ICE1: variants seen among roughly 807,000 people sequenced by gnomAD.
The protein encoded by ICE1 is interactor of little elongation complex ELL subunit 1.
Under a neutral mutation model 192.7 loss-of-function variants are expected in ICE1, and 64 were observed. The ratio of observed to expected loss-of-function variants is 0.33; its 90% CI spans 0.27 to 0.41. The LOEUF (loss-of-function observed/expected upper bound fraction) is 0.41, where lower values mean the gene tolerates loss of function less well. ICE1 is among the 10% of genes least tolerant of loss of function. The probability of loss-of-function intolerance (pLI) is 1.00; values close to 1 mark genes in which losing one functional copy is unlikely to be tolerated. For synonymous variants in ICE1, 1,010 were observed against 984.5 expected, an observed-to-expected ratio of 1.03 and a Z score of -0.49; for missense variants, 2,708 against 2,696.0, an observed-to-expected ratio of 1.00 and a Z score of -0.10.
intron 16 of ICE1, among the ~76,000 whole-genome samples, chr5:5,474,402 C>T (rs1367714881): frequency 6.6e-6 from 1 of 151,962 alleles, no homozygotes; most frequent in Non-Finnish European, 1.5e-5. Context: ...CGGAACAGTG[C>T]CCACACAAGG....
chr5:5,426,966 T>C (rs1440356041), intron 1 of ICE1, among the ~76,000 whole-genome samples: 1 of 152,216 alleles, frequency 6.6e-6, no homozygotes, highest in Non-Finnish European at 1.5e-5. Flanking sequence ...TTTCCAATGG[T>C]AGGCAACCAT....
Position 5,461,682 on chromosome 5 carries a change from T to G in ICE1, c.2348T>G (p.Leu783Trp). 6.2e-7 allele frequency: 1 copy of G among 1,613,924 alleles called. No homozygotes were observed. Among genetic ancestry groups the G allele is most frequent in the Non-Finnish European group, 8.5e-7 (1 of 1,179,872 alleles). ...GSQAALIKSG[L>W]GFVKSTSWHH... ...CAGGCTGCCTTGATCAAGAGTGGTTTGGGTTTTGTTAAAAGTACTTCATGG... is the reference window on the plus strand; with the variant it reads ...CAGGCTGCCTTGATCAAGAGTGGTTGGGGTTTTGTTAAAAGTACTTCATGG... The change falls in exon 13 of 19, where the codon TTG becomes TGG. Residue 783 changes from leucine to tryptophan, a missense_variant. This residue lies in a region of ICE1 where 2,366 missense variants were observed against 2,276.6 expected (regional missense o/e 1.04). Coordinates refer to ENST00000296564, the MANE Select transcript of ICE1 (RefSeq NM_015325.3).
Position 5,460,967 on chromosome 5 carries a change from G to T in ICE1, c.1633G>T (p.Glu545Ter). The part of the protein sequence containing the change: ...LGKRPLNELM[E>*]SEGKTVLSKM... ...CAAAAGGCCATTAAATGAACTCATGGAATCTGAAGGAAAAACCGTATTGTC... is the reference window on the plus strand; with the variant it reads ...CAAAAGGCCATTAAATGAACTCATGTAATCTGAAGGAAAAACCGTATTGTC... Residue 545 changes from glutamate (E) to a stop codon, truncating the protein, a stop_gained, in exon 13 of 19, where the codon GAA (glutamate) becomes TAA (stop). Transcript: ENST00000296564. LOFTEE classifies it high-confidence loss of function. The T allele has an allele frequency of 6.2e-7, 1 of 1,614,022 alleles. No individual in the cohort carries two copies. The highest frequency in any genetic ancestry group is 8.5e-7 in the Non-Finnish European group (1 of 1,179,894).
At chr5:5,433,343 A>G (rs968865616) in intron 1 of ICE1, among the ~76,000 whole-genome samples, 46 of 152,232 alleles carry the variant, frequency 3.0e-4, no homozygotes, top group South Asian at 1.2e-3. Context: ...TGCTTGTTTT[A>G]GTTCCATTCC....
intron 17 of ICE1, 61 bp downstream of exon 17, chr5:5,476,140 G>GA: frequency 4.4e-6 from 4 of 900,928 alleles, no homozygotes; most frequent in South Asian, 3.5e-5. Context: ...GGAAGGCTGG[G>GA]GGGTTAACTG....
chr5:5,437,010 G>A (rs576005587), intron 2 of ICE1, 70 bp from the exon 3 acceptor site: 387 of 1,017,558 alleles, frequency 3.8e-4, no homozygotes, highest in Non-Finnish European at 5.6e-4. Context: ...TGCATGGATT[G>A]AAACATAATT....
chr5:5,437,178 G>A, intron 3 of ICE1, 64 bp downstream of exon 3: 1 of 1,292,894 alleles, frequency 7.7e-7, no homozygotes, highest in Non-Finnish European at 1.1e-6. Flanking sequence ...TCCTGAAAGA[G>A]ATGTGAGAAT....
intron 10 of ICE1, among the ~76,000 whole-genome samples, chr5:5,450,900 A>G (rs551956161): frequency 6.6e-6 from 1 of 152,322 alleles, no homozygotes; most frequent in African/African-American, 2.4e-5. Flanking sequence ...AGACTTCACA[A>G]TGTTTTTTAG....
intron 1 of ICE1, among the ~76,000 whole-genome samples, chr5:5,427,798 A>T (rs565763262): frequency 6.6e-6 from 1 of 152,220 alleles, no homozygotes. Flanking sequence ...TCAGAATACA[A>T]TGATGAACAG....
chr5:5,477,508 C>G (rs1402182949), intron 17 of ICE1, among the ~76,000 whole-genome samples: 2 of 152,162 alleles, frequency 1.3e-5, no homozygotes, highest in Non-Finnish European at 2.9e-5. Context: ...AGCCTACAAA[C>G]CAAAAAAGCC....
intron 15 of ICE1, among the ~76,000 whole-genome samples, chr5:5,471,650 CTAAAT>C (rs1022229916): frequency 7.2e-5 from 11 of 151,970 alleles, no homozygotes; most frequent in Non-Finnish European, 1.3e-4. Flanking sequence ...CAATACATTA[CTAAAT>C]TAAAGAAGAA....
chr5:5,446,445 A>G (rs570108291), intron 7 of ICE1, among the ~76,000 whole-genome samples: 1 of 150,386 alleles, frequency 6.6e-6, no homozygotes, highest in South Asian at 2.1e-4. Flanking sequence ...GTGCACCACG[A>G]CACCCGACTA....
chr5:5,466,461 T>G lies in ICE1; in HGVS notation c.6020T>G (p.Leu2007Trp). 1 of 1,612,854 alleles carries G rather than the reference T, an allele frequency of 6.2e-7. No individual in the cohort carries two copies. Residue 2007 changes from leucine (L) to tryptophan (W), a missense_variant, in exon 14 of 19, where the codon TTG (leucine) becomes TGG (tryptophan). Physicochemically the swap from Leu to Trp is moderately conservative, Grantham distance 61 (BLOSUM62 -2). Transcript: ENST00000296564. Reference protein sequence around the residue: ...YVGICRQLGDLERARLFCYSL... With the variant: ...YVGICRQLGDWERARLFCYSL... The stretch of plus-strand genomic sequence containing the variant: ...GGTATTTGTCGGCAACTCGGAGACT[T>G]GGAAAGAGCTCGTTTGTTTTGCTAC...
intron 17 of ICE1, 24 bp from the exon 18 acceptor site, chr5:5,486,697 T>G: frequency 1.4e-6 from 2 of 1,477,008 alleles, no homozygotes; most frequent in Non-Finnish European, 1.9e-6. Flanking sequence ...CTGGACTGTT[T>G]ACATTTTGGT....
rs752446166 is a variant in ICE1, at chr5:5,447,735, A to G, written c.522A>G (p.Glu174=). Residue 174 remains glutamate, a synonymous_variant, in exon 9 of 19, where the codon GAA becomes GAG. Coordinates refer to ENST00000296564, the MANE Select transcript of ICE1 (RefSeq NM_015325.3). ...EFKKTQERLD[E]FSKQKNEKEL... ...TGTTTTCACAGGAAAGGCTTGACGA[A>G]TTTTCTAAACAGAAAAATGAAAAGG... is the stretch of plus-strand genomic sequence containing the variant. 1.3e-6 allele frequency: 2 copies of G among 1,584,146 alleles called. No individual in the cohort carries two copies. The highest frequency in any genetic ancestry group is 1.7e-6 in the Non-Finnish European group (2 of 1,163,080).
At chr5:5,452,184 T>C (rs1159561582) in intron 10 of ICE1, among the ~76,000 whole-genome samples, 1 of 143,476 alleles carries the variant, frequency 7.0e-6, no homozygotes, top group East Asian at 2.0e-4. Context: ...TTTTTTTTTT[T>C]GTACTGGAGG....
intron 3 of ICE1, chr5:5,437,732 G>A (rs1203031713): frequency 6.6e-6 from 1 of 152,296 alleles, no homozygotes; most frequent in Non-Finnish European, 1.5e-5. Flanking sequence ...AAAAAGATGT[G>A]TATAATTGAT....
Position 5,466,414 on chromosome 5 carries a change from C to T in ICE1, c.5973C>T (p.His1991=), listed in dbSNP as rs532424447. Residue 1991 remains histidine (H), a synonymous_variant, in exon 14 of 19, where the codon CAC becomes CAT. Transcript: ENST00000296564. ...QKISMDHNYI[H]ALCRVYVGIC... The stretch of plus-strand genomic sequence containing the variant: ...TATCTATGGACCACAATTACATTCA[C>T]GCCCTCTGCAGGGTGTATGTGGGTA... 151 of 1,613,550 alleles carry T rather than the reference C, an allele frequency of 9.4e-5. 1 individual carries two copies. The highest frequency in any genetic ancestry group is 4.4e-4 in the South Asian group (40 of 91,012).
intron 1 of ICE1, among the ~76,000 whole-genome samples, chr5:5,429,343 C>T (rs1379933639): frequency 2.6e-5 from 4 of 152,144 alleles, no homozygotes; most frequent in African/African-American, 4.8e-5. Flanking sequence ...AGGAACTCTC[C>T]AGAAATCCGA....
Sources: gnomAD v4.1 joint callset for allele counts (sites outside exome capture counted in the v4.1 genomes callset) on GRCh38, gnomAD v4.1.1 for gene constraint, gnomAD v4.1.1 regional missense constraint, MANE v1.5 for transcripts, NCBI Gene and HGNC (gene_info 2026-07-23, HGNC 2026-07-21) for gene names.